USP34: variants seen among roughly 807,000 people sequenced by gnomAD.
USP34 encodes ubiquitin carboxyl-terminal hydrolase 34.
A neutral mutation model predicts 460.3 loss-of-function variants in USP34; 70 were observed. The ratio of observed to expected loss-of-function variants is 0.15; its 90% CI spans 0.13 to 0.19. The LOEUF is 0.19. Among genes scored for constraint, USP34 ranks in the 10% least tolerant of loss-of-function variants. The pLI is 1.00. For synonymous variants in USP34, 1,647 were observed against 1,405.3 expected (o/e 1.17, Z -3.85); for missense variants, 3,985 against 4,236.2 (o/e 0.94, Z 1.65).
chr2:61,394,189 GAT>G (rs1273090894), intron 5 of USP34, among the ~76,000 whole-genome samples: 1 of 152,018 alleles, frequency 6.6e-6, no homozygotes, highest in Non-Finnish European at 1.5e-5. Flanking sequence ...ATACTCACAG[GAT>G]ACAGAAGAAT....
intron 67 of USP34, among the ~76,000 whole-genome samples, chr2:61,219,937 T>C (rs996944636): frequency 2.6e-5 from 4 of 151,976 alleles, no homozygotes; most frequent in African/African-American, 9.7e-5. Context: ...AAAGTGTTTA[T>C]ATAACTCATA....
At chr2:61,360,551 CATAA>C (rs910331876) in intron 10 of USP34, among the ~76,000 whole-genome samples, 26 of 152,160 alleles carry the variant, frequency 1.7e-4, no homozygotes, top group African/African-American at 6.0e-4. Flanking sequence ...AGAAGAAACA[CATAA>C]ATAAAAAGAC....
chr2:61,317,169 A>G lies in USP34; in HGVS notation c.3282+485T>C, dbSNP rs1227006766. On this transcript the variant is annotated intron_variant, in intron 23 of 79. Coordinates refer to ENST00000398571, the MANE Select transcript of USP34 (RefSeq NM_014709.4). ...AGAAACATGTAATAGATTTTCATTA[A>G]GCACACCCAATGTTATCTTTCATAC... Among the ~76,000 whole-genome samples, 3 of 152,212 alleles carry G rather than the reference A, an allele frequency of 2.0e-5. No homozygotes were observed. The South Asian group carries it at 6.2e-4, about 32-fold the overall frequency.
chr2:61,357,176 T>C (rs960516559), intron 10 of USP34, among the ~76,000 whole-genome samples: 5 of 152,154 alleles, frequency 3.3e-5, no homozygotes, highest in Non-Finnish European at 4.4e-5. Flanking sequence ...TGTTCCAAGA[T>C]AGACTGGATG....
At chr2:61,400,771 A>G (rs1693692994) in intron 3 of USP34, among the ~76,000 whole-genome samples, 1 of 152,136 alleles carries the variant, frequency 6.6e-6, no homozygotes, top group African/African-American at 2.4e-5. Context: ...GGGTTACTTG[A>G]GTCCAGGAGT....
intron 5 of USP34, among the ~76,000 whole-genome samples, chr2:61,390,445 A>G (rs1299023550): frequency 6.6e-6 from 1 of 152,244 alleles, no homozygotes; most frequent in African/African-American, 2.4e-5. Context: ...TTCGCAAAGT[A>G]AGAAAACTAC....
chr2:61,469,731 T>C (rs1332731501), intron 1 of USP34, among the ~76,000 whole-genome samples: 7 of 152,260 alleles, frequency 4.6e-5, no homozygotes, highest in African/African-American at 1.7e-4. Context: ...GAGCATTTTT[T>C]CAACAATCAA....
intron 3 of USP34, among the ~76,000 whole-genome samples, chr2:61,398,547 GGAAGGAGGCGGAAGCGGGA>G (rs1693612590): frequency 9.6e-6 from 1 of 103,858 alleles, no homozygotes; most frequent in Non-Finnish European, 2.0e-5. Flanking sequence ...CGGAAGCGGG[GGAAGGAGGCGGAAGCGGGA>G]AGAGGGGAAA....
At chr2:61,231,334 A>C (rs538671675) in intron 58 of USP34, among the ~76,000 whole-genome samples, 1 of 152,242 alleles carries the variant, frequency 6.6e-6, no homozygotes, top group South Asian at 2.1e-4. Flanking sequence ...ATTAGGTAGT[A>C]GTGATGGCTG....
intron 1 of USP34, among the ~76,000 whole-genome samples, chr2:61,453,130 G>A (rs1695333942): frequency 6.6e-6 from 1 of 152,000 alleles, no homozygotes; most frequent in Non-Finnish European, 1.5e-5. Context: ...TTACATCTAG[G>A]CTGGGCACTG....
chr2:61,224,942 C>A (rs1687685507), intron 62 of USP34, among the ~76,000 whole-genome samples: 1 of 152,174 alleles, frequency 6.6e-6, no homozygotes, highest in Non-Finnish European at 1.5e-5. Flanking sequence ...TCATTCATTT[C>A]TTTCCCAAGA....
At chr2:61,417,739 CTTTTCTT>C (rs1694238141) in intron 2 of USP34, among the ~76,000 whole-genome samples, 1 of 81,100 alleles carries the variant, frequency 1.2e-5, no homozygotes. Context: ...TTCTTTTTTT[CTTTTCTT>C]TTTTTTTTTT....
Position 61,470,705 on chromosome 2 carries a change from G to GC in USP34, c.-14dup, listed in dbSNP as rs749868537. The GC allele has an allele frequency of 1.7e-3, 2,606 of 1,521,198 alleles. 4 individuals carry two copies. The highest frequency in any genetic ancestry group is 3.1e-3 in the Middle Eastern group (16 of 5,172). 94.2% of individuals were successfully genotyped at this position (1,521,198 alleles called of 1,614,324 possible). Reference sequence around the variant, plus strand: ...AGTTCTCGCACATCGTTCGGCCGCCGCCCCCCCCCTCCCCCGCTTCGGATC... The same window carrying GC: ...AGTTCTCGCACATCGTTCGGCCGCCGCCCCCCCCCCTCCCCCGCTTCGGATC... On this transcript the variant is annotated 5_prime_UTR_variant, in exon 1 of 80. Coordinates refer to ENST00000398571, the MANE Select transcript of USP34 (RefSeq NM_014709.4).
chr2:61,433,161 C>T (rs1694724599), intron 1 of USP34, among the ~76,000 whole-genome samples: 1 of 152,188 alleles, frequency 6.6e-6, no homozygotes, highest in African/African-American at 2.4e-5. Context: ...GGAGACACAC[C>T]TGTTGGTGAC....
chr2:61,267,173 TTTTTC>T (rs986149188), intron 41 of USP34, among the ~76,000 whole-genome samples: 8 of 152,312 alleles, frequency 5.3e-5, no homozygotes, highest in Non-Finnish European at 1.0e-4. Flanking sequence ...CCTTGACACC[TTTTTC>T]TTTTCATGAT....
At chr2:61,348,579 C>A in intron 14 of USP34, 99 bp from the exon 15 acceptor site, 6 of 1,470,980 alleles carry the variant, frequency 4.1e-6, no homozygotes, top group Non-Finnish European at 5.4e-6. Context: ...GGCTGCCAGT[C>A]TTGTTATACT....
intron 2 of USP34, among the ~76,000 whole-genome samples, chr2:61,414,360 G>A (rs1042480479): frequency 6.6e-6 from 1 of 151,902 alleles, no homozygotes; most frequent in Non-Finnish European, 1.5e-5. Flanking sequence ...GAATACAACT[G>A]ATCAATACTT....
intron 67 of USP34, among the ~76,000 whole-genome samples, chr2:61,218,322 A>G (rs1182583460): frequency 6.6e-6 from 1 of 150,856 alleles, no homozygotes; most frequent in Non-Finnish European, 1.5e-5. Context: ...CCAGGAAAAA[A>G]AAAAAAAAAA....
intron 39 of USP34, among the ~76,000 whole-genome samples, chr2:61,279,110 TA>T (rs1022360294): frequency 6.6e-6 from 1 of 151,690 alleles, no homozygotes; most frequent in Non-Finnish European, 1.5e-5. Context: ...TTTTTTTTTT[TA>T]AAGTACAATG....
Sources: allele counts gnomAD v4.1 joint callset (sites outside exome capture counted in the v4.1 genomes callset), GRCh38; gene constraint gnomAD v4.1.1; transcripts MANE v1.5; gene names NCBI Gene and HGNC (gene_info 2026-07-23, HGNC 2026-07-21).